The following CASR variants were observed in gnomAD, a reference collection of about 807,000 sequenced individuals.
CASR encodes the protein extracellular calcium-sensing receptor.
Under a neutral mutation model 69.1 loss-of-function variants are expected in CASR, and 23 were observed. The observed-to-expected ratio is 0.33, with a 90% CI of 0.24 to 0.47. The LOEUF is 0.47. Among genes scored for constraint, CASR ranks in the 20% least tolerant of loss-of-function variants. The pLI, the probability that CASR is intolerant of heterozygous loss-of-function variation, is 1.00. For synonymous variants in CASR, 541 were observed against 544.7 expected (o/e 0.99, Z 0.10); for missense variants, 924 against 1,356.1 (o/e 0.68, Z 5.00).
At chr3:122,244,530 C>A (rs2074408686) in intron 1 of CASR, among the ~76,000 whole-genome samples, 3 of 152,136 alleles carry the variant, frequency 2.0e-5, no homozygotes, top group African/African-American at 7.2e-5. Flanking sequence ...CTACATAATT[C>A]TACTTATATA....
At chr3:122,265,842 A>G (rs567380262) in intron 4 of CASR, among the ~76,000 whole-genome samples, 38 of 152,306 alleles carry the variant, frequency 2.5e-4, no homozygotes, top group African/African-American at 9.1e-4. Flanking sequence ...GCGTGCAGCC[A>G]TGGTGAAGAT....
chr3:122,248,905 C>G (rs1300823769), intron 1 of CASR, among the ~76,000 whole-genome samples: 1 of 152,114 alleles, frequency 6.6e-6, no homozygotes, highest in Non-Finnish European at 1.5e-5. Flanking sequence ...TTGGATTAGC[C>G]ACGTAGCTAC....
intron 1 of CASR, among the ~76,000 whole-genome samples, chr3:122,195,597 G>T (rs754547992): frequency 1.3e-5 from 2 of 152,168 alleles, no homozygotes; most frequent in African/African-American, 4.8e-5. Context: ...TTGACAATGC[G>T]TTAGGCATTA....
intron 6 of CASR, among the ~76,000 whole-genome samples, 168 bp downstream of exon 6, chr3:122,282,404 A>G (rs1458978793): frequency 6.6e-6 from 1 of 152,258 alleles, no homozygotes; most frequent in Admixed American, 6.5e-5. Flanking sequence ...TGGAACAGAA[A>G]AAGAATGTTA....
At chr3:122,232,831 A>G (rs2074292482) in intron 1 of CASR, among the ~76,000 whole-genome samples, 1 of 151,860 alleles carries the variant, frequency 6.6e-6, no homozygotes, top group South Asian at 2.1e-4. Context: ...GCCCCTGACA[A>G]CCTGGATCTG....
chr3:122,222,296 T>C (rs2074179716), intron 1 of CASR, among the ~76,000 whole-genome samples: 1 of 152,160 alleles, frequency 6.6e-6, no homozygotes, highest in African/African-American at 2.4e-5. Context: ...GTACTCTGGG[T>C]GTATGCATAG....
intron 1 of CASR, among the ~76,000 whole-genome samples, chr3:122,196,672 G>A (rs574388311): frequency 6.6e-6 from 1 of 152,100 alleles, no homozygotes; most frequent in South Asian, 2.1e-4. Context: ...CCAAGTAGCT[G>A]GGACTACAGG....
At chr3:122,189,577 A>AC (rs1221619572) in intron 1 of CASR, among the ~76,000 whole-genome samples, 1 of 152,220 alleles carries the variant, frequency 6.6e-6, no homozygotes, top group Non-Finnish European at 1.5e-5. Flanking sequence ...GGCAAAGGTA[A>AC]TATGATACCT....
chr3:122,256,770 A>C (rs1014124547), intron 2 of CASR, among the ~76,000 whole-genome samples: 3 of 152,182 alleles, frequency 2.0e-5, no homozygotes, highest in Non-Finnish European at 4.4e-5. Flanking sequence ...GACACCTGCC[A>C]CCACACCTGG....
chr3:122,252,416 A>G (rs1209530496), intron 1 of CASR, among the ~76,000 whole-genome samples: 13 of 74,790 alleles, frequency 1.7e-4, no homozygotes, highest in East Asian at 1.3e-3. Context: ...GGAAAAAGAA[A>G]GAAAGAAAGA....
At chr3:122,241,998 C>A (rs533915378) in intron 1 of CASR, among the ~76,000 whole-genome samples, 1 of 151,936 alleles carries the variant, frequency 6.6e-6, no homozygotes, top group African/African-American at 2.4e-5. Flanking sequence ...TGATAAAAGC[C>A]CTCAAAAACC....
chr3:122,285,423 G>T lies in CASR; in HGVS notation c.*232G>T. The T allele has an allele frequency of 1.9e-6, 1 of 517,910 alleles. No homozygotes were observed. Among genetic ancestry groups the T allele is most frequent in the Non-Finnish European group, 3.5e-6 (1 of 286,502 alleles). The allele number at this position is 517,910 out of a possible 1,614,324, so 32.1% of individuals were successfully genotyped here. On this transcript the variant is annotated 3_prime_UTR_variant, in exon 7 of 7. Coordinates refer to ENST00000639785, the MANE Select transcript of CASR (RefSeq NM_000388.4). ...GTGGTTGCATTTGTCAAAGCATTGA[G>T]ATCTCCACGGTCAGATTTGCTGTTC...
At chr3:122,219,281 T>C (rs2074148138) in intron 1 of CASR, among the ~76,000 whole-genome samples, 1 of 152,302 alleles carries the variant, frequency 6.6e-6, no homozygotes, top group South Asian at 2.1e-4. Flanking sequence ...GCACTGGGAC[T>C]GTGATGGTGG....
intron 1 of CASR, among the ~76,000 whole-genome samples, chr3:122,185,587 C>T (rs2073771161): frequency 6.6e-6 from 1 of 152,212 alleles, no homozygotes; most frequent in African/African-American, 2.4e-5. Context: ...AGAAATAATG[C>T]AGGCTGTTTT....
intron 1 of CASR, among the ~76,000 whole-genome samples, chr3:122,243,366 C>A (rs2074396741): frequency 6.6e-6 from 1 of 152,052 alleles, no homozygotes; most frequent in African/African-American, 2.4e-5. Context: ...GGTAAAAGAT[C>A]TGAATAGACC....
At position 122,283,753 on chromosome 3, in the gene CASR, C is replaced by A. The variant is rs943822017; in HGVS notation, c.1799C>A (p.Ala600Asp). The A allele has an allele frequency of 6.2e-7, 1 of 1,614,038 alleles. No individual in the cohort carries two copies. Among genetic ancestry groups the A allele is most frequent in the Non-Finnish European group, 8.5e-7 (1 of 1,179,892 alleles). ...WSNENHTSCI[A>D]KEIEFLSWTE... Reference sequence around the variant, plus strand: ...AATGAGAACCACACCTCCTGCATTGCCAAGGAGATCGAGTTTCTGTCGTGG... The same window carrying A: ...AATGAGAACCACACCTCCTGCATTGACAAGGAGATCGAGTTTCTGTCGTGG... The change falls in exon 7 of 7, where the codon GCC becomes GAC. Residue 600 changes from alanine (A) to aspartate (D), a missense_variant. Transcript: ENST00000639785.
chr3:122,184,648 C>G (rs898184723), intron 1 of CASR: 2 of 152,480 alleles, frequency 1.3e-5, no homozygotes, highest in Non-Finnish European at 2.9e-5. Context: ...CGGAGCAGCT[C>G]CAGCCTGGGA....
chr3:122,206,696 A>G (rs1001054264), intron 1 of CASR, among the ~76,000 whole-genome samples: 2 of 152,018 alleles, frequency 1.3e-5, no homozygotes, highest in Non-Finnish European at 2.9e-5. Context: ...TCAGTGAAGC[A>G]TCAGGTCCTG....
At chr3:122,250,040 G>C (rs2074467214) in intron 1 of CASR, among the ~76,000 whole-genome samples, 1 of 152,304 alleles carries the variant, frequency 6.6e-6, no homozygotes, top group South Asian at 2.1e-4. Context: ...GCGGGGAGAA[G>C]GGATAAGGGG....
Sources: allele counts gnomAD v4.1 joint callset (sites outside exome capture counted in the v4.1 genomes callset), GRCh38; gene constraint gnomAD v4.1.1; transcripts MANE v1.5; gene names NCBI Gene and HGNC (gene_info 2026-07-23, HGNC 2026-07-21).